Variants in SCMH1 observed in about 807,000 individuals in gnomAD.
The protein encoded by SCMH1 is Scm polycomb group protein homolog 1, also known as polycomb protein SCMH1.
In SCMH1, 37 loss-of-function variants were observed where a neutral mutation model predicts 70.8. That is an observed-to-expected ratio of 0.52 (90% CI 0.40 to 0.69). The LOEUF (loss-of-function observed/expected upper bound fraction) is 0.69. Among genes scored for constraint, SCMH1 ranks in the 30% least tolerant of loss-of-function variants. SCMH1 has a pLI of 0.00. For missense variants in SCMH1, 607 were observed against 827.3 expected (o/e 0.73, Z 3.27); for synonymous variants, 292 against 307.4 (o/e 0.95, Z 0.52).
chr1:41,170,905 C>T (rs1007384487), intron 2 of SCMH1, among the ~76,000 whole-genome samples: 8 of 152,186 alleles, frequency 5.3e-5, no homozygotes, highest in African/African-American at 1.9e-4. Context: ...CACACACATT[C>T]ACATAAACAA....
intron 10 of SCMH1, among the ~76,000 whole-genome samples, chr1:41,055,038 C>G (rs971925932): frequency 2.6e-5 from 4 of 152,078 alleles, no homozygotes; most frequent in African/African-American, 9.7e-5. Context: ...CCACCTTGGC[C>G]TTCCAAAGTG....
chr1:41,137,184 GCT>G (rs1464475390), intron 6 of SCMH1, among the ~76,000 whole-genome samples: 3 of 151,444 alleles, frequency 2.0e-5, no homozygotes, highest in Non-Finnish European at 4.4e-5. Context: ...TCTTTTTCTA[GCT>G]CTTTGAGTTG....
At chr1:41,051,895 AG>A (rs2148723058) in intron 10 of SCMH1, among the ~76,000 whole-genome samples, 1 of 152,326 alleles carries the variant, frequency 6.6e-6, no homozygotes, top group East Asian at 1.9e-4. Context: ...AGTAGTGTAC[AG>A]TAATATCCTA....
At chr1:41,111,254 T>C (rs1360776139) in intron 8 of SCMH1, among the ~76,000 whole-genome samples, 3 of 152,224 alleles carry the variant, frequency 2.0e-5, no homozygotes, top group Admixed American at 1.3e-4. Flanking sequence ...TTCCCTAATA[T>C]GTTTAGAATA....
intron 2 of SCMH1, among the ~76,000 whole-genome samples, chr1:41,180,886 C>T (rs111836471): frequency 7.9e-5 from 12 of 152,266 alleles, no homozygotes; most frequent in Admixed American, 2.0e-4. Context: ...GCCCACATTG[C>T]CAAGTCAATC....
At chr1:41,029,450 G>T (rs140439645) in intron 13 of SCMH1, among the ~76,000 whole-genome samples, 46 of 152,222 alleles carry the variant, frequency 3.0e-4, no homozygotes, top group African/African-American at 1.1e-3. Flanking sequence ...TCTGCCTGCC[G>T]TGGCCTCCCA....
chr1:41,040,418 C>T (rs966185220), intron 12 of SCMH1, among the ~76,000 whole-genome samples: 3 of 151,982 alleles, frequency 2.0e-5, no homozygotes, highest in Non-Finnish European at 2.9e-5. Context: ...GGAAAGGCAA[C>T]GGGAAGGCAT....
chr1:41,092,271 G>A (rs1380606695), intron 8 of SCMH1, among the ~76,000 whole-genome samples: 1 of 152,116 alleles, frequency 6.6e-6, no homozygotes, highest in Non-Finnish European at 1.5e-5. Context: ...AAGAAATAGG[G>A]AAAGGATTTC....
intron 6 of SCMH1, among the ~76,000 whole-genome samples, chr1:41,126,755 G>C (rs1673274536): frequency 6.6e-6 from 1 of 151,984 alleles, no homozygotes; most frequent in Admixed American, 6.6e-5. Flanking sequence ...TTTTATGGTT[G>C]AATGGTACTT....
chr1:41,135,529 C>T (rs1425003799), intron 6 of SCMH1, among the ~76,000 whole-genome samples: 1 of 152,200 alleles, frequency 6.6e-6, no homozygotes, highest in African/African-American at 2.4e-5. Flanking sequence ...TTTGCTTCCC[C>T]TTCCACCATG....
At chr1:41,192,495 G>GACACACACACACACACACACAC (rs55940657) in intron 1 of SCMH1, among the ~76,000 whole-genome samples, 55 of 148,742 alleles carry the variant, frequency 3.7e-4, no homozygotes, top group South Asian at 8.6e-4. Flanking sequence ...TTAAATAGGA[G>GACACACACACACACACACACAC]ACACACACAC....
chr1:41,147,917 A>G (rs1198621904), intron 5 of SCMH1, among the ~76,000 whole-genome samples: 1 of 152,192 alleles, frequency 6.6e-6, no homozygotes. Flanking sequence ...AAAGAAACAG[A>G]AAAAAGTGTA....
intron 1 of SCMH1, among the ~76,000 whole-genome samples, chr1:41,235,400 G>A (rs144512335): frequency 0.015 from 2,208 of 151,384 alleles, 19 homozygotes; most frequent in Middle Eastern, 0.045. Context: ...GTGAAACCCC[G>A]TCTCTACTAA....
chr1:41,079,497 G>A (rs1398279842), intron 8 of SCMH1, among the ~76,000 whole-genome samples: 1 of 152,088 alleles, frequency 6.6e-6, no homozygotes, highest in Admixed American at 6.6e-5. Context: ...CTAATAACAT[G>A]AATAACCAAT....
At chr1:41,034,665 T>G (rs1441796166) in intron 13 of SCMH1, among the ~76,000 whole-genome samples, 3 of 151,372 alleles carry the variant, frequency 2.0e-5, no homozygotes, top group Non-Finnish European at 4.4e-5. Context: ...GCTAATGGAG[T>G]CTTCCTATAC....
At chr1:41,199,606 A>AT (rs1202226846) in intron 1 of SCMH1, among the ~76,000 whole-genome samples, 3 of 152,228 alleles carry the variant, frequency 2.0e-5, no homozygotes, top group African/African-American at 7.2e-5. Flanking sequence ...GCAAAAGCTA[A>AT]TATTAAAGGT....
chr1:41,206,914 C>G (rs192756003), intron 1 of SCMH1, among the ~76,000 whole-genome samples: 1 of 152,166 alleles, frequency 6.6e-6, no homozygotes. Flanking sequence ...GAATTTTCAA[C>G]GCAGAATTTC....
chr1:41,172,005 A>G (rs565974604), intron 2 of SCMH1, among the ~76,000 whole-genome samples: 3 of 152,230 alleles, frequency 2.0e-5, no homozygotes, highest in African/African-American at 7.2e-5. Flanking sequence ...CAACCTGGGC[A>G]ACATGGCAAG....
rs372697842 is a variant in SCMH1, at chr1:41,028,363, C to T, written c.1822-44G>A. On this transcript the variant is annotated intron_variant, in intron 14 of 14. Coordinates refer to ENST00000337495, the Ensembl canonical transcript of SCMH1. Reference sequence around the variant, plus strand: ...GGCAGAAGTGGAAGGGAGGCACCATCAGAGTCCTGGTTGGTCTGACCACCC... The same window carrying T: ...GGCAGAAGTGGAAGGGAGGCACCATTAGAGTCCTGGTTGGTCTGACCACCC... 1.9e-6 allele frequency: 3 copies of T among 1,608,922 alleles called. No individual in the cohort carries two copies. The African/African-American group carries it at 4.0e-5, about 21-fold the overall frequency.
Sources: allele counts gnomAD v4.1 joint callset (sites outside exome capture counted in the v4.1 genomes callset), GRCh38; gene constraint gnomAD v4.1.1; transcripts MANE v1.5; gene names NCBI Gene and HGNC (gene_info 2026-07-23, HGNC 2026-07-21).